The following GALNTL6 variants were observed in gnomAD, a reference collection of about 807,000 sequenced individuals.
GALNTL6 encodes the protein polypeptide N-acetylgalactosaminyltransferase like 6.
A neutral mutation model predicts 73.7 loss-of-function variants in GALNTL6; 46 were observed. The observed-to-expected ratio is 0.62, with a 90% CI of 0.49 to 0.80. The LOEUF (loss-of-function observed/expected upper bound fraction) is 0.80. Ranked by LOEUF, GALNTL6 falls within the 30% of genes least tolerant of loss-of-function variation. The probability of loss-of-function intolerance (pLI) is 0.00; values close to 1 mark genes in which losing one functional copy is unlikely to be tolerated. For synonymous variants in GALNTL6, 259 were observed against 263.7 expected, an observed-to-expected ratio of 0.98 and a Z score of 0.17; for missense variants, 604 against 755.0, an observed-to-expected ratio of 0.80 and a Z score of 2.34.
chr4:171,921,002 A>G (rs967354874), intron 2 of GALNTL6, among the ~76,000 whole-genome samples: 1 of 152,054 alleles, frequency 6.6e-6, no homozygotes, highest in Non-Finnish European at 1.5e-5. Context: ...GTGTATTTTC[A>G]TCTGTGTCAT....
intron 5 of GALNTL6, among the ~76,000 whole-genome samples, chr4:172,715,579 A>C (rs1735025974): frequency 6.6e-6 from 1 of 152,192 alleles, no homozygotes; most frequent in South Asian, 2.1e-4. Flanking sequence ...AAGAAAGCAA[A>C]CATATGTCTT....
intron 12 of GALNTL6, among the ~76,000 whole-genome samples, chr4:173,038,919 A>T (rs772552512): frequency 4.6e-5 from 7 of 152,210 alleles, no homozygotes; most frequent in Non-Finnish European, 7.3e-5. Context: ...AAATAATAAA[A>T]CATTACTTGA....
chr4:172,708,697 C>T (rs1734512138), intron 5 of GALNTL6, among the ~76,000 whole-genome samples: 1 of 152,140 alleles, frequency 6.6e-6, no homozygotes, highest in Non-Finnish European at 1.5e-5. Context: ...TATTTGTAAG[C>T]TTTTGATTTG....
At chr4:171,870,621 G>C (rs188263338) in intron 2 of GALNTL6, among the ~76,000 whole-genome samples, 129 of 152,092 alleles carry the variant, frequency 8.5e-4, no homozygotes, top group Non-Finnish European at 1.5e-3. Context: ...CCTAACCCTG[G>C]TGCCTCAGAA....
chr4:172,982,025 C>A (rs1751086996), intron 10 of GALNTL6, among the ~76,000 whole-genome samples: 1 of 152,028 alleles, frequency 6.6e-6, no homozygotes, highest in Non-Finnish European at 1.5e-5. Context: ...GAACTCCTGA[C>A]CTCAGGTGAT....
chr4:172,235,090 T>G (rs1404412314), intron 3 of GALNTL6, among the ~76,000 whole-genome samples: 2 of 152,208 alleles, frequency 1.3e-5, no homozygotes, highest in Non-Finnish European at 2.9e-5. Context: ...CATATTCTTA[T>G]GTCCTCATAA....
intron 9 of GALNTL6, among the ~76,000 whole-genome samples, chr4:172,948,976 C>A (rs1456303890): frequency 6.6e-6 from 1 of 152,132 alleles, no homozygotes; most frequent in Non-Finnish European, 1.5e-5. Flanking sequence ...TCCTCTGAGC[C>A]TTTTCCCATT....
At chr4:172,901,626 AAAG>A (rs1746634806) in intron 8 of GALNTL6, among the ~76,000 whole-genome samples, 1 of 152,218 alleles carries the variant, frequency 6.6e-6, no homozygotes, top group Non-Finnish European at 1.5e-5. Context: ...CCCTTGAAAC[AAAG>A]AATCATTTCA....
intron 2 of GALNTL6, among the ~76,000 whole-genome samples, chr4:171,911,870 A>C (rs991438995): frequency 1.3e-5 from 2 of 152,180 alleles, no homozygotes; most frequent in African/African-American, 4.8e-5. Flanking sequence ...TGTTTTCCTA[A>C]GAACAGAAAT....
intron 5 of GALNTL6, among the ~76,000 whole-genome samples, chr4:172,683,215 T>C (rs1732725800): frequency 6.6e-6 from 1 of 152,134 alleles, no homozygotes; most frequent in Non-Finnish European, 1.5e-5. Context: ...GTGGTATCTG[T>C]CATGTCATCT....
chr4:172,299,297 G>A (rs575875876), intron 3 of GALNTL6, among the ~76,000 whole-genome samples: 27 of 152,154 alleles, frequency 1.8e-4, no homozygotes, highest in African/African-American at 5.8e-4. Flanking sequence ...TATCAATGTT[G>A]TTGATCTTTT....
intron 5 of GALNTL6, among the ~76,000 whole-genome samples, chr4:172,465,049 G>A (rs1732757071): frequency 6.6e-6 from 1 of 152,110 alleles, no homozygotes; most frequent in African/African-American, 2.4e-5. Flanking sequence ...CCTCGGCTGA[G>A]GTTCTTTGGC....
chr4:172,157,242 C>T (rs1175917969), intron 2 of GALNTL6, among the ~76,000 whole-genome samples: 1 of 152,106 alleles, frequency 6.6e-6, no homozygotes, highest in Non-Finnish European at 1.5e-5. Context: ...GTGCCTACAG[C>T]AAGATAGAAA....
At chr4:172,035,365 A>G (rs1741901935) in intron 2 of GALNTL6, among the ~76,000 whole-genome samples, 1 of 152,134 alleles carries the variant, frequency 6.6e-6, no homozygotes, top group Admixed American at 6.6e-5. Flanking sequence ...TCCTCAAGCC[A>G]GTAATATCAG....
chr4:172,417,942 G>A (rs890192944), intron 5 of GALNTL6, among the ~76,000 whole-genome samples: 1 of 152,106 alleles, frequency 6.6e-6, no homozygotes, highest in Admixed American at 6.6e-5. Flanking sequence ...AAGTTTTTTT[G>A]AGTCTGTTTC....
intron 5 of GALNTL6, among the ~76,000 whole-genome samples, chr4:172,710,072 G>A (rs926739943): frequency 6.6e-6 from 1 of 152,066 alleles, no homozygotes; most frequent in African/African-American, 2.4e-5. Context: ...AAAAATTAAA[G>A]AGTATAAATT....
intron 2 of GALNTL6, among the ~76,000 whole-genome samples, chr4:172,221,897 C>G (rs370874550): frequency 2.0e-5 from 3 of 151,738 alleles, no homozygotes; most frequent in East Asian, 3.9e-4. Context: ...TTACCTGGCA[C>G]TTTCGGTTCA....
chr4:172,962,440 G>A (rs920247368), intron 10 of GALNTL6, among the ~76,000 whole-genome samples: 1 of 152,072 alleles, frequency 6.6e-6, no homozygotes, highest in Non-Finnish European at 1.5e-5. Flanking sequence ...TCTGTTCCAG[G>A]ATCCAATCCA....
At chr4:171,921,279 T>C (rs1263905116) in intron 2 of GALNTL6, among the ~76,000 whole-genome samples, 1 of 152,114 alleles carries the variant, frequency 6.6e-6, no homozygotes, top group East Asian at 1.9e-4. Flanking sequence ...TGACTATGTG[T>C]CGACCATGTT....
Sources: allele counts gnomAD v4.1 joint callset (sites outside exome capture counted in the v4.1 genomes callset), GRCh38; gene constraint gnomAD v4.1.1; transcripts MANE v1.5; gene names NCBI Gene and HGNC (gene_info 2026-07-23, HGNC 2026-07-21).